The following ALK variants were observed in gnomAD, a reference collection of about 807,000 sequenced individuals.
ALK encodes the protein ALK receptor tyrosine kinase, also known as ALK tyrosine kinase receptor.
Under a neutral mutation model 163.1 loss-of-function variants are expected in ALK, and 74 were observed. That is an observed-to-expected ratio of 0.45 (90% CI 0.38 to 0.55). The LOEUF (loss-of-function observed/expected upper bound fraction) is 0.55, where lower values mean the gene tolerates loss of function less well. Among genes scored for constraint, ALK ranks in the 20% least tolerant of loss-of-function variants. The pLI, the probability that ALK is intolerant of heterozygous loss-of-function variation, is 0.00. For missense variants in ALK, 2,063 were observed against 2,105.3 expected (o/e 0.98, Z 0.39); for synonymous variants, 960 against 843.2 (o/e 1.14, Z -2.40).
At chr2:29,253,151 C>T (rs1207886773) in intron 11 of ALK, among the ~76,000 whole-genome samples, 1 of 152,134 alleles carries the variant, frequency 6.6e-6, no homozygotes, top group African/African-American at 2.4e-5. Flanking sequence ...AATTACCATG[C>T]CCATCCTCTA....
intron 1 of ALK, among the ~76,000 whole-genome samples, chr2:29,851,785 C>A (rs116428438): frequency 2.0e-5 from 3 of 152,184 alleles, no homozygotes; most frequent in Admixed American, 6.5e-5. Context: ...CCCATTTCTA[C>A]GACTCTGTTG....
At chr2:29,335,040 G>A (rs964512094) in intron 5 of ALK, among the ~76,000 whole-genome samples, 20 of 152,064 alleles carry the variant, frequency 1.3e-4, no homozygotes, top group Admixed American at 1.2e-3. Flanking sequence ...CTGAGGCCCC[G>A]GCTGGCCACA....
chr2:29,413,404 T>A (rs1232335613), intron 4 of ALK, among the ~76,000 whole-genome samples: 1 of 152,150 alleles, frequency 6.6e-6, no homozygotes, highest in Non-Finnish European at 1.5e-5. Flanking sequence ...TGAAGTGCAG[T>A]GGCACGATCT....
At chr2:29,680,024 A>G (rs895402793) in intron 3 of ALK, among the ~76,000 whole-genome samples, 5 of 151,844 alleles carry the variant, frequency 3.3e-5, no homozygotes, top group Non-Finnish European at 5.9e-5. Flanking sequence ...ACTGTCTTTT[A>G]GTCTTTCATG....
Position 29,920,380 on chromosome 2 carries a change from C to T in ALK, c.280G>A (p.Asp94Asn). The T allele has an allele frequency of 1.3e-6, 2 of 1,562,394 alleles. No homozygotes were observed. The highest frequency in any genetic ancestry group is 1.7e-6 in the Non-Finnish European group (2 of 1,154,482). The stretch of plus-strand genomic sequence containing the variant: ...AGCAACCTGAGCAGCGGGGCGCAGT[C>T]CAGAGCTAGCGAGCCGCGGGCCTCG... ...RPEARGSLAL[D>N]CAPLLRLLGP... The change falls in exon 1 of 29, where the codon GAC (aspartate) becomes AAC (asparagine). Residue 94 changes from aspartate (D) to asparagine (N), a missense_variant. By Grantham distance (23) the Asp-to-Asn change is conservative. This residue lies in a region of ALK where 987 missense variants were observed against 939.5 expected (regional missense o/e 1.05). Coordinates refer to ENST00000389048, the MANE Select transcript of ALK (RefSeq NM_004304.5).
intron 4 of ALK, among the ~76,000 whole-genome samples, chr2:29,444,140 C>A (rs970251296): frequency 6.6e-6 from 1 of 152,192 alleles, no homozygotes; most frequent in African/African-American, 2.4e-5. Flanking sequence ...CCAGAACAGT[C>A]CTACGTGGGG....
At chr2:29,500,379 T>G (rs1456190842) in intron 4 of ALK, among the ~76,000 whole-genome samples, 1 of 152,122 alleles carries the variant, frequency 6.6e-6, no homozygotes, top group Admixed American at 6.5e-5. Flanking sequence ...CTGCTCCCCC[T>G]CTGTCTTCAG....
intron 1 of ALK, among the ~76,000 whole-genome samples, chr2:29,815,988 G>C (rs1169853464): frequency 6.6e-6 from 1 of 152,232 alleles, no homozygotes; most frequent in Non-Finnish European, 1.5e-5. Context: ...AAGTGAATTA[G>C]GGCCACATGG....
At chr2:29,918,115 G>A (rs1374448461) in intron 1 of ALK, among the ~76,000 whole-genome samples, 1 of 152,198 alleles carries the variant, frequency 6.6e-6, no homozygotes, top group Non-Finnish European at 1.5e-5. Flanking sequence ...AATTAAGCAT[G>A]TGACTCTTCA....
At chr2:29,884,851 G>T (rs1218596597) in intron 1 of ALK, among the ~76,000 whole-genome samples, 1 of 152,204 alleles carries the variant, frequency 6.6e-6, no homozygotes, top group Non-Finnish European at 1.5e-5. Context: ...TGCCTGAATA[G>T]ATTTTTAATG....
chr2:29,225,696 C>G, intron 18 of ALK, 131 bp from the exon 19 acceptor site: 4 of 770,212 alleles, frequency 5.2e-6, no homozygotes. Flanking sequence ...GACCTTGTCA[C>G]ACTTTTCTTT....
chr2:29,523,145 G>T lies in ALK; in HGVS notation c.1154+8770C>A, dbSNP rs532236753. Among the ~76,000 whole-genome samples, 3 of 152,272 alleles carry T rather than the reference G, an allele frequency of 2.0e-5. No homozygotes were observed. The East Asian group carries it at 5.8e-4, about 29-fold the overall frequency. On this transcript the variant is annotated intron_variant, in intron 4 of 28. Transcript: ENST00000389048. ...GGCAGGAGGGGGAGGAAGAAACCAAGAGAATCACGTGGCCACAGCTCATCA... is the reference window on the plus strand; with the variant it reads ...GGCAGGAGGGGGAGGAAGAAACCAATAGAATCACGTGGCCACAGCTCATCA...
intron 1 of ALK, among the ~76,000 whole-genome samples, chr2:29,745,906 T>C (rs982864929): frequency 2.3e-4 from 35 of 152,322 alleles, no homozygotes; most frequent in African/African-American, 8.2e-4. Context: ...GAGCTTCTAC[T>C]TTTTACCTCA....
chr2:29,462,659 A>G (rs1330131753), intron 4 of ALK, among the ~76,000 whole-genome samples: 2 of 152,338 alleles, frequency 1.3e-5, no homozygotes, highest in East Asian at 3.9e-4. Flanking sequence ...AATTTGTGTT[A>G]CTTGCTTTAC....
chr2:29,401,935 A>AT (rs1669455634), intron 4 of ALK, among the ~76,000 whole-genome samples: 1 of 152,222 alleles, frequency 6.6e-6, no homozygotes, highest in South Asian at 2.1e-4. Context: ...TATTAAAAGG[A>AT]TTTTAATACT....
chr2:29,717,734 C>T, intron 1 of ALK, 37 bp from the exon 2 acceptor site: 1 of 1,613,704 alleles, frequency 6.2e-7, no homozygotes, highest in Non-Finnish European at 8.5e-7. Context: ...GATCCATGTG[C>T]TTGGGGTGTG....
At chr2:29,769,602 A>G (rs938870825) in intron 1 of ALK, among the ~76,000 whole-genome samples, 1 of 152,150 alleles carries the variant, frequency 6.6e-6, no homozygotes, top group Non-Finnish European at 1.5e-5. Context: ...GCACATAGTG[A>G]TCTTCCCCTG....
chr2:29,389,986 C>G (rs1159255996), intron 4 of ALK, among the ~76,000 whole-genome samples: 1 of 152,140 alleles, frequency 6.6e-6, no homozygotes, highest in African/African-American at 2.4e-5. Context: ...TGGACCAAGT[C>G]AATATGAATA....
chr2:29,795,806 C>G (rs1489632859), intron 1 of ALK, among the ~76,000 whole-genome samples: 3 of 151,996 alleles, frequency 2.0e-5, no homozygotes, highest in African/African-American at 7.2e-5. Flanking sequence ...GTATTATGAA[C>G]AATTAATTTC....
Sources: allele counts gnomAD v4.1 joint callset (sites outside exome capture counted in the v4.1 genomes callset), GRCh38; gene constraint gnomAD v4.1.1; regional missense constraint gnomAD v4.1.1; transcripts MANE v1.5; gene names NCBI Gene and HGNC (gene_info 2026-07-23, HGNC 2026-07-21).